Variants in TLE6 observed in about 807,000 individuals in gnomAD.
TLE6 encodes the protein transducin-like enhancer protein 6.
In TLE6, 72 loss-of-function variants were observed where a neutral mutation model predicts 77.1. The observed-to-expected ratio is 0.93, with a 90% CI of 0.77 to 1.14. The LOEUF (loss-of-function observed/expected upper bound fraction) is 1.14. Among genes scored for constraint, TLE6 ranks in the 50% most tolerant of loss-of-function variants. The probability of loss-of-function intolerance (pLI) is 0.00; values close to 1 mark genes in which losing one functional copy is unlikely to be tolerated. For missense variants in TLE6, 843 were observed against 747.6 expected, an observed-to-expected ratio of 1.13 and a Z score of -1.49; for synonymous variants, 366 against 287.3, an observed-to-expected ratio of 1.27 and a Z score of -2.77.
At chr19:2,986,509 T>C (rs2088913721) in intron 5 of TLE6, among the ~76,000 whole-genome samples, 2 of 151,348 alleles carry the variant, frequency 1.3e-5, no homozygotes, top group African/African-American at 2.4e-5. Context: ...AGGTCAGGAG[T>C]TGGAGACCAG....
intron 5 of TLE6, chr19:2,984,062 C>G (rs1254788517): frequency 6.6e-6 from 1 of 152,408 alleles, no homozygotes; most frequent in Non-Finnish European, 1.5e-5. Context: ...CCACCCGCTG[C>G]TTCCAGTTCC....
Position 2,987,895 on chromosome 19 carries a change from T to C in TLE6, c.626-3T>C, listed in dbSNP as rs1408864828. 6.2e-7 allele frequency: 1 copy of C among 1,610,038 alleles called. No homozygotes were observed. ...CGCTTAGCCCCTCTTGTCTCCCCAC[T>C]AGCCCCCAGGCCACCTGAGGCCTCC... On this transcript the variant is annotated splice_region_variant and splice_polypyrimidine_tract_variant and intron_variant, in intron 9 of 16. Transcript: ENST00000246112.
rs750865169 is a variant in TLE6 at position 2,994,891 on chromosome 19, C to G, written c.1615-9C>G. On this transcript the variant is annotated splice_polypyrimidine_tract_variant and intron_variant, in intron 16 of 16. Coordinates refer to ENST00000246112, the MANE Select transcript of TLE6 (RefSeq NM_001143986.2). ...TACCCCAGCTCACTGCCCACTGCCC[C>G]CCCTCCAGGTGCCTGAGATGTCTCC... 3.2e-6 allele frequency: 5 copies of G among 1,575,328 alleles called. No individual in the cohort carries two copies. The South Asian group carries it at 3.4e-5, about 11-fold the overall frequency.
At chr19:2,979,407 C>T (rs138476170) in intron 2 of TLE6, among the ~76,000 whole-genome samples, 1,528 of 151,766 alleles carry the variant, frequency 0.01, 38 homozygotes, top group African/African-American at 0.035. Flanking sequence ...CCACCACGCC[C>T]GGCTAATTTT....
In TLE6 at chr19:2,989,765, G is replaced by A. The variant is rs1725643757; in HGVS notation, c.1224G>A (p.Leu408=). 6.2e-7 allele frequency: 1 copy of A among 1,613,988 alleles called. No individual in the cohort carries two copies. Residue 408 remains leucine, a synonymous_variant, in exon 13 of 17, where the codon CTG becomes CTA. Coordinates refer to ENST00000246112, the MANE Select transcript of TLE6 (RefSeq NM_001143986.2). ...GTGGTGTGGTCAGGATCTGGGACCT[G>A]CGGGATCAGAGTGTGGTCAGGTGCG... ...FTSGVVRIWD[L]RDQSVVRDLK...
At chr19:2,983,473 T>A (rs2088840787) in intron 5 of TLE6, among the ~76,000 whole-genome samples, 1 of 151,964 alleles carries the variant, frequency 6.6e-6, no homozygotes, top group African/African-American at 2.4e-5. Flanking sequence ...TTAAAGGACA[T>A]CAAAGAGGAA....
At chr19:2,992,828 C>T (rs1218083096) in intron 14 of TLE6, among the ~76,000 whole-genome samples, 1 of 112,234 alleles carries the variant, frequency 8.9e-6, no homozygotes, top group Non-Finnish European at 1.8e-5. Context: ...GGAGGATGAA[C>T]TCTGGGAAGG....
At chr19:2,988,581 G>T (rs2088969789) in intron 11 of TLE6, among the ~76,000 whole-genome samples, 2 of 152,044 alleles carry the variant, frequency 1.3e-5, no homozygotes, top group Non-Finnish European at 2.9e-5. Context: ...CTGAGTGACA[G>T]CAAGACTCCG....
intron 3 of TLE6, 52 bp from the exon 4 acceptor site, chr19:2,981,486 G>A (rs2088796638): frequency 4.5e-6 from 7 of 1,542,228 alleles, no homozygotes; most frequent in Non-Finnish European, 6.1e-6. Context: ...CTCACTCTGG[G>A]GAGGGAGTCC....
chr19:2,988,130 T>C lies in TLE6; in HGVS notation c.740+2T>C. The C allele has an allele frequency of 6.4e-7, 1 of 1,551,684 alleles. No individual in the cohort carries two copies. Among genetic ancestry groups the C allele is most frequent in the Non-Finnish European group, 8.7e-7 (1 of 1,146,956 alleles). ...AGCCTCTCGGTTTCTACAGTCCATGTAAGTGTCTGCACTGTTTGCTTTTGG... is the reference window on the plus strand; with the variant it reads ...AGCCTCTCGGTTTCTACAGTCCATGCAAGTGTCTGCACTGTTTGCTTTTGG... On this transcript the variant is annotated splice_donor_variant, in intron 11 of 16. Coordinates refer to ENST00000246112, the MANE Select transcript of TLE6 (RefSeq NM_001143986.2). LOFTEE classifies it high-confidence loss of function.
rs548264927 is a variant in TLE6, at chr19:2,987,051, G to C, written c.354G>C (p.Ser118=). 2 of 1,613,960 alleles carry C rather than the reference G, an allele frequency of 1.2e-6. No homozygotes were observed. Among genetic ancestry groups the C allele is most frequent in the African/African-American group, 2.7e-5 (2 of 74,926 alleles). The change falls in exon 7 of 17, where the codon TCG becomes TCC. Residue 118 remains serine (S), a synonymous_variant. Transcript: ENST00000246112. The stretch of plus-strand genomic sequence containing the variant: ...TGAAGGACAAGACCCTGCAGGAGTC[G>C]AGCTTTGAGGACATCATGGCCACCA... ...QQVKDKTLQE[S]SFEDIMATRS... is the part of the protein sequence containing the mutation.
At chr19:2,981,617 G>T in intron 4 of TLE6, 34 bp downstream of exon 4, 1 of 1,549,926 alleles carries the variant, frequency 6.5e-7, no homozygotes, top group South Asian at 1.2e-5. Context: ...AACCAAGGAG[G>T]GCCCCACTGG....
At chr19:2,982,087 G>A in intron 4 of TLE6, 61 bp from the exon 5 acceptor site, 1 of 1,537,558 alleles carries the variant, frequency 6.5e-7, no homozygotes, top group African/African-American at 1.4e-5. Flanking sequence ...AGCTTGCCCA[G>A]GGTCACACAG....
chr19:2,980,382 A>C, intron 3 of TLE6, 200 bp downstream of exon 3: 3 of 409,236 alleles, frequency 7.3e-6, no homozygotes, highest in Non-Finnish European at 8.9e-6. Flanking sequence ...ACCAACAAAT[A>C]TTAAAATTTT....
chr19:2,989,567 G>T lies in TLE6; in HGVS notation c.1026G>T (p.Leu342=). 6.2e-7 allele frequency: 1 copy of T among 1,613,374 alleles called. No homozygotes were observed. Among genetic ancestry groups the T allele is most frequent in the Non-Finnish European group, 8.5e-7 (1 of 1,179,928 alleles). Residue 342 remains leucine, a synonymous_variant, in exon 13 of 17, where the codon CTG becomes CTT. Coordinates refer to ENST00000246112, the MANE Select transcript of TLE6 (RefSeq NM_001143986.2). ...GGGCCTTCCTGCGCACCTGCCTGCTGTCCTCAAACAGCAGGAGCCTGCTCA... is the reference window on the plus strand; with the variant it reads ...GGGCCTTCCTGCGCACCTGCCTGCTTTCCTCAAACAGCAGGAGCCTGCTCA... The part of the protein sequence containing the change: ...TPGAFLRTCL[L]SSNSRSLLTG...
At position 2,983,853 on chromosome 19, in the gene TLE6, A is replaced by G. The variant is rs141717180; in HGVS notation, c.222+1664A>G. The G allele has an allele frequency of 2.6e-5, 4 of 152,588 alleles. No individual in the cohort carries two copies. In the East Asian group the frequency reaches 7.7e-4, roughly 30 times the overall value. The allele number at this position is 152,588 out of a possible 1,614,324, so 9.5% of individuals were successfully genotyped here. A position where few individuals can be genotyped will look rare whatever the true frequency, so the allele number is the denominator to read the frequency against. ...TTGCTTAGTGATGAGAAGTAATTGAATAATTGTGGACGTGTTTTGGGAGGA... is the reference window on the plus strand; with the variant it reads ...TTGCTTAGTGATGAGAAGTAATTGAGTAATTGTGGACGTGTTTTGGGAGGA... On this transcript the variant is annotated intron_variant, in intron 5 of 16. Coordinates refer to ENST00000246112, the MANE Select transcript of TLE6 (RefSeq NM_001143986.2).
chr19:2,994,119 G>T, intron 16 of TLE6, 24 bp downstream of exon 16: 2 of 1,584,398 alleles, frequency 1.3e-6, no homozygotes, highest in South Asian at 2.3e-5. Flanking sequence ...CTGGGGGCAG[G>T]ACCCGGGGGT....
chr19:2,993,328 GGTCA>G (rs1256442320), intron 14 of TLE6, 100 bp from the exon 15 acceptor site: 3 of 1,245,532 alleles, frequency 2.4e-6, no homozygotes, highest in South Asian at 3.2e-5. Context: ...GCTAGGAAGG[GGTCA>G]GTCACCCGGC....
intron 14 of TLE6, among the ~76,000 whole-genome samples, chr19:2,992,445 C>T (rs1431897918): frequency 6.6e-6 from 1 of 151,892 alleles, no homozygotes; most frequent in Non-Finnish European, 1.5e-5. Flanking sequence ...GCACTCCAGG[C>T]TGCGCAATAA....
Sources: gnomAD v4.1 joint callset for allele counts (sites outside exome capture counted in the v4.1 genomes callset) on GRCh38, gnomAD v4.1.1 for gene constraint, MANE v1.5 for transcripts, NCBI Gene and HGNC (gene_info 2026-07-23, HGNC 2026-07-21) for gene names.